PDE4D: variants seen among roughly 807,000 people sequenced by gnomAD.
The protein encoded by PDE4D is phosphodiesterase 4D.
A neutral mutation model predicts 87.4 loss-of-function variants in PDE4D; 24 were observed. That is an observed-to-expected ratio of 0.27 (90% CI 0.20 to 0.39). The LOEUF is 0.39. Ranked by LOEUF, PDE4D falls within the 10% of genes least tolerant of loss-of-function variation. The probability of loss-of-function intolerance (pLI) is 1.00; values close to 1 mark genes in which losing one functional copy is unlikely to be tolerated. For synonymous variants in PDE4D, 384 were observed against 383.2 expected (o/e 1.00, Z -0.02); for missense variants, 714 against 1,041.0 (o/e 0.69, Z 4.32).
chr5:60,063,561 G>C (rs1054370053), intron 2 of PDE4D, among the ~76,000 whole-genome samples: 1 of 152,100 alleles, frequency 6.6e-6, no homozygotes, highest in Non-Finnish European at 1.5e-5. Flanking sequence ...TTAGTTTATA[G>C]TTTGAAAGAG....
chr5:59,969,001 C>T (rs895991022), intron 3 of PDE4D, among the ~76,000 whole-genome samples: 6 of 139,640 alleles, frequency 4.3e-5, no homozygotes, highest in Admixed American at 2.8e-4. Flanking sequence ...ACCCCCCCCC[C>T]GAAAAAAAGA....
intron 5 of PDE4D, chr5:59,039,411 C>T (rs939104324): frequency 1.0e-6 from 1 of 999,378 alleles, no homozygotes; most frequent in Middle Eastern, 5.1e-4. Context: ...TCTCCTCGGT[C>T]CCCAACCCGG....
intron 2 of PDE4D, among the ~76,000 whole-genome samples, chr5:59,210,605 G>A (rs949236393): frequency 2.6e-5 from 4 of 152,202 alleles, no homozygotes; most frequent in Admixed American, 1.3e-4. Context: ...AACTTAGCTA[G>A]ATTCCCAAAT....
At chr5:59,281,533 T>G (rs996056524) in intron 1 of PDE4D, among the ~76,000 whole-genome samples, 2 of 152,184 alleles carry the variant, frequency 1.3e-5, no homozygotes, top group Non-Finnish European at 2.9e-5. Context: ...TAGGTAAATA[T>G]TAAGTATTTT....
intron 1 of PDE4D, among the ~76,000 whole-genome samples, chr5:59,625,504 TA>T (rs796517733): frequency 4.3e-3 from 611 of 141,218 alleles, no homozygotes; most frequent in Non-Finnish European, 3.9e-3. Context: ...GCTGCGACAT[TA>T]AAAAAAAAAA....
At chr5:58,999,551 A>ATG (rs1554041365) in intron 6 of PDE4D, 819 of 1,118,052 alleles carry the variant, frequency 7.3e-4, no homozygotes, top group Admixed American at 1.1e-3. Flanking sequence ...GATTGATTAT[A>ATG]TGTATATATA....
At chr5:60,043,157 T>C (rs1292321678) in intron 2 of PDE4D, among the ~76,000 whole-genome samples, 2 of 151,548 alleles carry the variant, frequency 1.3e-5, no homozygotes, top group Non-Finnish European at 2.9e-5. Context: ...CATACACAAG[T>C]ATCAATAGCC....
At chr5:59,266,549 G>A (rs1012982032) in intron 1 of PDE4D, among the ~76,000 whole-genome samples, 1 of 151,864 alleles carries the variant, frequency 6.6e-6, no homozygotes, top group Non-Finnish European at 1.5e-5. Context: ...GAGTCAATAA[G>A]CTGAACGAGT....
intron 1 of PDE4D, among the ~76,000 whole-genome samples, chr5:59,629,948 A>T (rs987075600): frequency 1.7e-4 from 26 of 152,128 alleles, no homozygotes; most frequent in Admixed American, 1.6e-3. Flanking sequence ...ATCTAAATAC[A>T]CTCACATCTG....
intron 3 of PDE4D, among the ~76,000 whole-genome samples, chr5:59,937,912 G>A (rs1756776857): frequency 6.6e-6 from 1 of 152,140 alleles, no homozygotes; most frequent in African/African-American, 2.4e-5. Context: ...ATGAAAAGAG[G>A]GCATATTAGG....
chr5:60,217,697 A>T (rs1329643764), intron 1 of PDE4D, among the ~76,000 whole-genome samples: 1 of 152,020 alleles, frequency 6.6e-6, no homozygotes, highest in African/African-American at 2.4e-5. Flanking sequence ...TAAAGAACAA[A>T]TCAAAAACAA....
At chr5:59,424,290 A>C (rs1040043326) in intron 1 of PDE4D, among the ~76,000 whole-genome samples, 3 of 152,216 alleles carry the variant, frequency 2.0e-5, no homozygotes, top group Non-Finnish European at 4.4e-5. Flanking sequence ...ATTAGAACAA[A>C]TTCTGAGGAT....
intron 2 of PDE4D, among the ~76,000 whole-genome samples, chr5:60,092,136 T>C (rs978312244): frequency 1.4e-5 from 2 of 147,620 alleles, no homozygotes; most frequent in Admixed American, 6.8e-5. Flanking sequence ...AGCAATGAAA[T>C]TCTGTTATTT....
At chr5:60,226,224 G>T (rs1745083626) in intron 1 of PDE4D, among the ~76,000 whole-genome samples, 1 of 151,988 alleles carries the variant, frequency 6.6e-6, no homozygotes, top group African/African-American at 2.4e-5. Context: ...ACATGAAAAG[G>T]GTTCTTTAAA....
intron 5 of PDE4D, among the ~76,000 whole-genome samples, chr5:59,131,373 G>C (rs1038105473): frequency 6.6e-6 from 1 of 152,108 alleles, no homozygotes; most frequent in Non-Finnish European, 1.5e-5. Flanking sequence ...TGATACACAA[G>C]TACTAGTGAA....
intron 1 of PDE4D, among the ~76,000 whole-genome samples, chr5:60,405,734 C>A (rs1172921924): frequency 1.3e-5 from 2 of 152,196 alleles, no homozygotes; most frequent in African/African-American, 4.8e-5. Context: ...AAGCCAGATA[C>A]TTTACCAAGG....
At chr5:59,054,761 T>A (rs2968010) in intron 5 of PDE4D, among the ~76,000 whole-genome samples, 10,726 of 152,274 alleles carry the variant, frequency 0.07, 510 homozygotes, top group Admixed American at 0.11. Context: ...TTTTCTATTT[T>A]ATTTAATTTT....
intron 1 of PDE4D, among the ~76,000 whole-genome samples, chr5:59,637,710 A>G (rs1740828378): frequency 6.6e-6 from 1 of 152,086 alleles, no homozygotes; most frequent in African/African-American, 2.4e-5. Flanking sequence ...ATGAGAACAT[A>G]TGGGCAAAGG....
intron 1 of PDE4D, among the ~76,000 whole-genome samples, chr5:60,362,644 G>C (rs1760166995): frequency 6.6e-6 from 1 of 152,120 alleles, no homozygotes. Context: ...GATCACCTAA[G>C]GTCAGGAGTT....
Sources: gnomAD v4.1 joint callset for allele counts (sites outside exome capture counted in the v4.1 genomes callset) on GRCh38, gnomAD v4.1.1 for gene constraint, MANE v1.5 for transcripts, NCBI Gene and HGNC (gene_info 2026-07-23, HGNC 2026-07-21) for gene names.